CFAP69: variants seen among roughly 807,000 people sequenced by gnomAD.
The protein encoded by CFAP69 is cilia and flagella associated protein 69.
In CFAP69, 92 loss-of-function variants were observed where a neutral mutation model predicts 123.0. The observed-to-expected ratio is 0.75, with a 90% CI of 0.63 to 0.89. The LOEUF is 0.89. Among genes scored for constraint, CFAP69 ranks in the 40% least tolerant of loss-of-function variants. CFAP69 has a pLI of 0.00. For missense variants in CFAP69, 1,067 were observed against 1,096.9 expected (o/e 0.97, Z 0.39); for synonymous variants, 380 against 364.3 (o/e 1.04, Z -0.49).
intron 3 of CFAP69, among the ~76,000 whole-genome samples, chr7:90,259,231 AC>A (rs1321297634): frequency 6.6e-6 from 1 of 152,028 alleles, no homozygotes; most frequent in East Asian, 1.9e-4. Context: ...TGGTCAACAT[AC>A]CAAGACCCTG....
At chr7:90,300,131 G>T in intron 17 of CFAP69, 72 bp downstream of exon 17, 3 of 1,253,186 alleles carry the variant, frequency 2.4e-6, no homozygotes, top group South Asian at 2.6e-5. Context: ...ATGGTATTAA[G>T]AAAGCATCAG....
intron 1 of CFAP69, among the ~76,000 whole-genome samples, chr7:90,249,589 G>A (rs994288750): frequency 6.6e-6 from 1 of 152,176 alleles, no homozygotes; most frequent in Non-Finnish European, 1.5e-5. Flanking sequence ...GATTGGCAGT[G>A]AAATTCACCT....
At chr7:90,298,141 A>G (rs187525699) in intron 16 of CFAP69, among the ~76,000 whole-genome samples, 129 of 152,354 alleles carry the variant, frequency 8.5e-4, no homozygotes, top group Admixed American at 4.3e-3. Flanking sequence ...GAGCTTGACC[A>G]TATGAAAACC....
chr7:90,277,424 G>C, intron 11 of CFAP69, 90 bp downstream of exon 11: 1 of 1,105,898 alleles, frequency 9.0e-7, no homozygotes, highest in South Asian at 2.4e-5. Context: ...ATATTTTATC[G>C]GTTCATATAT....
chr7:90,252,522 G>A (rs1797155389), intron 1 of CFAP69, among the ~76,000 whole-genome samples: 1 of 151,998 alleles, frequency 6.6e-6, no homozygotes, highest in Admixed American at 6.6e-5. Flanking sequence ...ACAAAAATTA[G>A]CAAAGTATGG....
chr7:90,297,680 A>T, intron 15 of CFAP69, 69 bp from the exon 16 acceptor site: 1 of 948,720 alleles, frequency 1.1e-6, no homozygotes, highest in Admixed American at 2.5e-5. Context: ...GCTTTGATAA[A>T]GATAAAGCTG....
chr7:90,252,746 G>A (rs546925473), intron 1 of CFAP69, among the ~76,000 whole-genome samples: 2 of 152,260 alleles, frequency 1.3e-5, no homozygotes, highest in South Asian at 4.1e-4. Context: ...CTTAAAGTTA[G>A]CATGTTTCAT....
intron 8 of CFAP69, among the ~76,000 whole-genome samples, chr7:90,273,428 T>C (rs1800242441): frequency 6.6e-6 from 1 of 152,198 alleles, no homozygotes; most frequent in Non-Finnish European, 1.5e-5. Context: ...GAATGTGTTA[T>C]AGAGCTGTCA....
Position 90,245,274 on chromosome 7 carries a change from G to A in CFAP69, c.-151G>A, listed in dbSNP as rs968517675. The A allele has an allele frequency of 1.1e-5, 12 of 1,080,220 alleles. No homozygotes were observed. The highest frequency in any genetic ancestry group is 1.4e-5 in the Non-Finnish European group (11 of 805,802). The allele number at this position is 1,080,220 out of a possible 1,614,324, so 66.9% of individuals were successfully genotyped here. A position where few individuals can be genotyped will look rare whatever the true frequency, so the allele number is the denominator to read the frequency against. On this transcript the variant is annotated 5_prime_UTR_variant, in exon 1 of 23. The change abolishes the stop of an existing upstream ORF in the 5' untranslated region. Transcript: ENST00000389297. ...AAGCGGACTGTATGGCGGTGGCCTAGGCCCCTGGCGGAATTTTGGGACCTT... is the reference window on the plus strand; with the variant it reads ...AAGCGGACTGTATGGCGGTGGCCTAAGCCCCTGGCGGAATTTTGGGACCTT...
intron 3 of CFAP69, among the ~76,000 whole-genome samples, chr7:90,259,865 G>C (rs937333163): frequency 6.6e-6 from 1 of 152,028 alleles, no homozygotes; most frequent in African/African-American, 2.4e-5. Flanking sequence ...TGTTATAAAA[G>C]TTTTTATATG....
intron 12 of CFAP69, 106 bp from the exon 13 acceptor site, chr7:90,282,786 A>T (rs1374570540): frequency 3.3e-5 from 31 of 944,384 alleles, no homozygotes; most frequent in Non-Finnish European, 4.4e-5. Flanking sequence ...AGCAAATATG[A>T]CAAAATTTTA....
At chr7:90,313,858 G>T (rs1298273394), downstream of CFAP69, among the ~76,000 whole-genome samples, 1 of 152,132 alleles carries the variant, frequency 6.6e-6, no homozygotes, top group Non-Finnish European at 1.5e-5. Context: ...CTTTCCAGAG[G>T]ATGTAATATA....
chr7:90,297,704 T>C (rs773242234), intron 15 of CFAP69, 45 bp from the exon 16 acceptor site: 3 of 1,230,224 alleles, frequency 2.4e-6, no homozygotes, highest in Non-Finnish European at 3.5e-6. Flanking sequence ...AAATTCAGTT[T>C]AACAATAAAT....
chr7:90,246,301 T>TC (rs1796312730), intron 1 of CFAP69, among the ~76,000 whole-genome samples: 1 of 152,124 alleles, frequency 6.6e-6, no homozygotes, highest in Admixed American at 6.6e-5. Context: ...ATTCCATTGA[T>TC]CCCCCAGAGA....
At chr7:90,255,313 T>C (rs1399919675) in intron 1 of CFAP69, 110 bp from the exon 2 acceptor site, 2 of 813,644 alleles carry the variant, frequency 2.5e-6, no homozygotes, top group Admixed American at 4.3e-5. Context: ...CGTAGTGTCA[T>C]AAAACATTTT....
In CFAP69 at chr7:90,271,599, G is replaced by C. The variant is rs1439977599; in HGVS notation, c.606G>C (p.Gln202His). The change falls in exon 7 of 23, where the codon CAG (glutamine) becomes CAC (histidine). Residue 202 changes from glutamine to histidine, a missense_variant. By Grantham distance (24) the Gln-to-His change is conservative. Transcript: ENST00000389297. Reference protein sequence around the residue: ...EVGGLAKTMVQSMTLLENQLV... With the variant: ...EVGGLAKTMVHSMTLLENQLV... ...GAGGATTAGCAAAAACAATGGTCCA[G>C]TCAATGACCTTGCTTGAAAATCAAC... The C allele has an allele frequency of 1.2e-6, 2 of 1,613,436 alleles. No homozygotes were observed. Among genetic ancestry groups the C allele is most frequent in the Non-Finnish European group, 1.7e-6 (2 of 1,179,676 alleles).
At chr7:90,302,166 G>C (rs945399218) in intron 17 of CFAP69, 1 of 151,968 alleles carries the variant, frequency 6.6e-6, no homozygotes, top group African/African-American at 2.4e-5. Context: ...CTTTTGAATG[G>C]GGTTGTGTTT....
intron 5 of CFAP69, chr7:90,265,919 C>G (rs970985895): frequency 6.6e-6 from 1 of 152,048 alleles, no homozygotes; most frequent in African/African-American, 2.4e-5. Context: ...ACTTGATTTT[C>G]TAGAGAAAGA....
At chr7:90,255,699 T>A (rs1308893329) in intron 2 of CFAP69, among the ~76,000 whole-genome samples, 1 of 152,166 alleles carries the variant, frequency 6.6e-6, no homozygotes, top group Admixed American at 6.6e-5. Context: ...TTTGCTTTTA[T>A]GAGATAGACA....
Sources: gnomAD v4.1 joint callset for allele counts (sites outside exome capture counted in the v4.1 genomes callset) on GRCh38, gnomAD v4.1.1 for gene constraint, MANE v1.5 for transcripts, NCBI Gene and HGNC (gene_info 2026-07-23, HGNC 2026-07-21) for gene names.